Variants in FKBP5 observed in about 807,000 individuals in gnomAD.
The protein encoded by FKBP5 is peptidyl-prolyl cis-trans isomerase FKBP5.
A neutral mutation model predicts 50.5 loss-of-function variants in FKBP5; 23 were observed. The ratio of observed to expected loss-of-function variants is 0.46; its 90% CI spans 0.33 to 0.65. The LOEUF is 0.65. Among genes scored for constraint, FKBP5 ranks in the 30% least tolerant of loss-of-function variants. FKBP5 has a pLI of 0.02. For synonymous variants in FKBP5, 176 were observed against 190.6 expected (o/e 0.92, Z 0.63); for missense variants, 411 against 553.1 (o/e 0.74, Z 2.58).
chr6:35,652,877 G>C (rs963606848), intron 1 of FKBP5, among the ~76,000 whole-genome samples: 2 of 152,112 alleles, frequency 1.3e-5, no homozygotes, highest in Non-Finnish European at 2.9e-5. Flanking sequence ...TCCTACCAAT[G>C]TGTGATGTCT....
intron 3 of FKBP5, 32 bp from the exon 4 acceptor site, chr6:35,620,306 T>C (rs753155439): frequency 2.0e-5 from 32 of 1,594,994 alleles, no homozygotes; most frequent in Non-Finnish European, 2.5e-5. Flanking sequence ...TTGAAAGCTA[T>C]AAGCCCTATT....
intron 2 of FKBP5, among the ~76,000 whole-genome samples, chr6:35,707,609 T>C (rs938910971): frequency 6.6e-6 from 1 of 152,070 alleles, no homozygotes; most frequent in Non-Finnish European, 1.5e-5. Flanking sequence ...GGTGAACTCA[T>C]GTTAAGGGAG....
intron 8 of FKBP5, chr6:35,583,170 C>T: frequency 2.0e-6 from 2 of 985,432 alleles, no homozygotes; most frequent in Non-Finnish European, 2.4e-6. Flanking sequence ...TGTTGTTTCA[C>T]TGAGATGAGA....
chr6:35,676,067 C>T (rs1387253021), intron 1 of FKBP5, among the ~76,000 whole-genome samples: 1 of 152,092 alleles, frequency 6.6e-6, no homozygotes, highest in Admixed American at 6.6e-5. Flanking sequence ...TAATGAAGGA[C>T]AGCTGGACAA....
intron 1 of FKBP5, among the ~76,000 whole-genome samples, chr6:35,650,776 C>T (rs938373805): frequency 6.6e-6 from 1 of 152,082 alleles, no homozygotes; most frequent in African/African-American, 2.4e-5. Context: ...GCACCTGGCA[C>T]AAACAGTGTA....
At chr6:35,643,188 A>G (rs936726666) in intron 1 of FKBP5, among the ~76,000 whole-genome samples, 2 of 152,216 alleles carry the variant, frequency 1.3e-5, no homozygotes, top group African/African-American at 4.8e-5. Context: ...TTCTTGACAG[A>G]GGATTAAGAC....
upstream of FKBP5, among the ~76,000 whole-genome samples, chr6:35,690,629 G>A (rs1160102910): frequency 2.6e-5 from 4 of 152,168 alleles, no homozygotes; most frequent in African/African-American, 9.7e-5. Context: ...CAATGTATTT[G>A]TTCATTAACG....
chr6:35,637,457 C>CTTTTTTT (rs71002581), intron 2 of FKBP5, among the ~76,000 whole-genome samples: 9 of 73,274 alleles, frequency 1.2e-4, no homozygotes, highest in South Asian at 5.1e-4. Flanking sequence ...ACAGTAAACT[C>CTTTTTTT]TTTTTTTTTT....
At chr6:35,676,659 A>G (rs1422089762) in intron 1 of FKBP5, among the ~76,000 whole-genome samples, 2 of 152,222 alleles carry the variant, frequency 1.3e-5, no homozygotes, top group African/African-American at 4.8e-5. Flanking sequence ...CTGTAGTTCC[A>G]TCAGAGAAAA....
At chr6:35,675,431 G>A (rs1765500609) in intron 1 of FKBP5, among the ~76,000 whole-genome samples, 1 of 152,318 alleles carries the variant, frequency 6.6e-6, no homozygotes, top group Middle Eastern at 3.4e-3. Flanking sequence ...TTAGCTGGGC[G>A]TGGTGGCACA....
intron 1 of FKBP5, among the ~76,000 whole-genome samples, chr6:35,683,024 ATG>A (rs889278389): frequency 8.0e-4 from 121 of 151,360 alleles, no homozygotes; most frequent in African/African-American, 2.7e-3. Flanking sequence ...GTGTATATAT[ATG>A]TCTCTTCCAA....
chr6:35,581,633 C>A (rs1019181604), intron 8 of FKBP5: 5 of 985,226 alleles, frequency 5.1e-6, no homozygotes, highest in Non-Finnish European at 6.0e-6. Context: ...CCCTCCAGGG[C>A]TGAGACAATG....
At chr6:35,634,373 CA>C (rs1272377531) in intron 3 of FKBP5, among the ~76,000 whole-genome samples, 1 of 152,150 alleles carries the variant, frequency 6.6e-6, no homozygotes, top group East Asian at 1.9e-4. Context: ...TTATCTGCCA[CA>C]AGACTGTATT....
chr6:35,608,824 GAC>G (rs1763409469), intron 5 of FKBP5, among the ~76,000 whole-genome samples: 1 of 151,754 alleles, frequency 6.6e-6, no homozygotes, highest in African/African-American at 2.4e-5. Context: ...TTATTATTTT[GAC>G]ACAGAGTCTC....
chr6:35,679,139 T>C (rs571246700), intron 1 of FKBP5, among the ~76,000 whole-genome samples: 38 of 152,168 alleles, frequency 2.5e-4, no homozygotes, highest in Non-Finnish European at 4.6e-4. Context: ...ATCTGGGGAA[T>C]GGGTACATGG....
At chr6:35,651,130 G>A (rs1764786664) in intron 1 of FKBP5, among the ~76,000 whole-genome samples, 1 of 152,094 alleles carries the variant, frequency 6.6e-6, no homozygotes, top group South Asian at 2.1e-4. Context: ...GTATATATGT[G>A]TTTGTATATT....
intron 2 of FKBP5, among the ~76,000 whole-genome samples, chr6:35,709,340 A>C (rs1317390736): frequency 6.6e-6 from 1 of 152,210 alleles, no homozygotes; most frequent in Non-Finnish European, 1.5e-5. Flanking sequence ...CATATCACAT[A>C]TAATGATGTG....
Position 35,577,149 on chromosome 6 carries a change from T to G in FKBP5, c.1111A>C (p.Lys371Gln). 1 of 1,614,176 alleles carries G rather than the reference T, an allele frequency of 6.2e-7. No individual in the cohort carries two copies. The highest frequency in any genetic ancestry group is 8.5e-7 in the Non-Finnish European group (1 of 1,179,986). Residue 371 changes from lysine to glutamine, a missense_variant, in exon 10 of 11, where the codon AAG (lysine) becomes CAG (glutamine). Lys to Gln is a moderately conservative substitution (Grantham distance 53). Transcript: ENST00000357266. The stretch of plus-strand genomic sequence containing the variant: ...TCCAGCACTTTCTCAAAGTCACCCT[T>G]GGCTGACTCAAACTCGTTCATGAGC... ...QLLMNEFESAKGDFEKVLEVN... is the reference protein window; with the variant it reads ...QLLMNEFESAQGDFEKVLEVN...
intron 8 of FKBP5, chr6:35,586,424 T>C: frequency 1.0e-6 from 1 of 985,398 alleles, no homozygotes; most frequent in Non-Finnish European, 1.2e-6. Flanking sequence ...AATTTGTGCA[T>C]GTCCTCTCTC....
Sources: allele counts gnomAD v4.1 joint callset (sites outside exome capture counted in the v4.1 genomes callset), GRCh38; gene constraint gnomAD v4.1.1; transcripts MANE v1.5; gene names NCBI Gene and HGNC (gene_info 2026-07-23, HGNC 2026-07-21).